Variants in MAPK10 observed in about 807,000 individuals in gnomAD.
MAPK10 encodes the protein JNK3 alpha protein kinase.
A neutral mutation model predicts 59.3 loss-of-function variants in MAPK10; 25 were observed. The ratio of observed to expected loss-of-function variants is 0.42; its 90% CI spans 0.31 to 0.59. MAPK10 has a LOEUF of 0.59. MAPK10 is among the 20% of genes least tolerant of loss of function. The pLI is 0.15. For synonymous variants in MAPK10, 190 were observed against 200.5 expected, an observed-to-expected ratio of 0.95 and a Z score of 0.44; for missense variants, 351 against 568.9, an observed-to-expected ratio of 0.62 and a Z score of 3.90.
At chr4:86,151,294 G>A (rs1381321876) in intron 4 of MAPK10, among the ~76,000 whole-genome samples, 1 of 152,168 alleles carries the variant, frequency 6.6e-6, no homozygotes, top group African/African-American at 2.4e-5. Flanking sequence ...AATGTTGCTG[G>A]TGAAGTGGAA....
chr4:86,086,126 T>C (rs1288007618), intron 9 of MAPK10, among the ~76,000 whole-genome samples: 2 of 152,120 alleles, frequency 1.3e-5, no homozygotes, highest in East Asian at 3.9e-4. Context: ...GGTACACGTT[T>C]ACCTGTGTAA....
At chr4:86,413,782 A>G (rs940275876) in intron 1 of MAPK10, among the ~76,000 whole-genome samples, 1 of 152,194 alleles carries the variant, frequency 6.6e-6, no homozygotes, top group Non-Finnish European at 1.5e-5. Context: ...AAAGCACAGT[A>G]TTTGGTCAGG....
At chr4:86,283,351 A>G (rs1052835772) in intron 2 of MAPK10, among the ~76,000 whole-genome samples, 18 of 152,206 alleles carry the variant, frequency 1.2e-4, no homozygotes, top group African/African-American at 4.3e-4. Flanking sequence ...GCTGATCAAT[A>G]TAATCTACCA....
chr4:86,041,228 G>GGGAATTGTATTAAATA (rs2041456665), intron 11 of MAPK10, among the ~76,000 whole-genome samples: 1 of 152,088 alleles, frequency 6.6e-6, no homozygotes, highest in Non-Finnish European at 1.5e-5. Flanking sequence ...ACAAGCAATG[G>GGGAATTGTATTAAATA]GGAAAAGATT....
intron 3 of MAPK10, among the ~76,000 whole-genome samples, chr4:86,180,703 A>G (rs1217847090): frequency 6.6e-6 from 1 of 152,076 alleles, no homozygotes; most frequent in Non-Finnish European, 1.5e-5. Flanking sequence ...TCTCAGCACC[A>G]TGAATGGAAC....
At chr4:86,191,837 C>T (rs1052593508) in intron 3 of MAPK10, 1 of 151,798 alleles carries the variant, frequency 6.6e-6, no homozygotes, top group Non-Finnish European at 1.5e-5. Flanking sequence ...TTATTTTGCC[C>T]ATTAGTTGAT....
At chr4:86,551,934 T>TG (rs1467155855) in intron 1 of MAPK10, among the ~76,000 whole-genome samples, 1 of 152,192 alleles carries the variant, frequency 6.6e-6, no homozygotes, top group African/African-American at 2.4e-5. Flanking sequence ...AATATTTTCT[T>TG]GCAACTATTT....
chr4:86,585,982 A>G (rs1762626351), intron 1 of MAPK10, among the ~76,000 whole-genome samples: 1 of 152,218 alleles, frequency 6.6e-6, no homozygotes, highest in South Asian at 2.1e-4. Flanking sequence ...TTTAAGACAG[A>G]AGATAAACTA....
intron 5 of MAPK10, among the ~76,000 whole-genome samples, chr4:86,104,262 A>G (rs1488596918): frequency 6.6e-6 from 1 of 152,154 alleles, no homozygotes; most frequent in Non-Finnish European, 1.5e-5. Flanking sequence ...TTGACAAAAA[A>G]TAACCACAGT....
chr4:86,056,349 T>C (rs2044541809), intron 11 of MAPK10, among the ~76,000 whole-genome samples: 1 of 150,418 alleles, frequency 6.6e-6, no homozygotes, highest in Non-Finnish European at 1.5e-5. Flanking sequence ...ATCAAATTCA[T>C]ATTCATTGTA....
At chr4:86,320,612 G>T (rs1178707196) in intron 2 of MAPK10, among the ~76,000 whole-genome samples, 2 of 152,182 alleles carry the variant, frequency 1.3e-5, no homozygotes, top group Non-Finnish European at 2.9e-5. Context: ...TAGGTTGCCT[G>T]TTCACTGTGA....
At chr4:86,527,988 G>A (rs1282718891) in intron 1 of MAPK10, among the ~76,000 whole-genome samples, 4 of 152,024 alleles carry the variant, frequency 2.6e-5, no homozygotes, top group Admixed American at 6.6e-5. Flanking sequence ...CAATAGACTC[G>A]GGTCTATTAG....
At chr4:86,350,277 C>T (rs557113784) in intron 2 of MAPK10, among the ~76,000 whole-genome samples, 4 of 151,768 alleles carry the variant, frequency 2.6e-5, no homozygotes, top group South Asian at 4.2e-4. Context: ...TGCAGTGGCA[C>T]GATCGCGGCT....
intron 11 of MAPK10, among the ~76,000 whole-genome samples, chr4:86,037,013 G>A (rs1177397864): frequency 1.3e-5 from 2 of 152,140 alleles, no homozygotes; most frequent in African/African-American, 2.4e-5. Flanking sequence ...GAGACAGCAC[G>A]TCAGCATTTC....
chr4:86,429,070 A>G (rs1475419787), intron 1 of MAPK10, among the ~76,000 whole-genome samples: 2 of 152,222 alleles, frequency 1.3e-5, no homozygotes, highest in Non-Finnish European at 2.9e-5. Flanking sequence ...TTTAAAAACC[A>G]CATTACTCAT....
chr4:86,328,814 A>G (rs909696068), intron 2 of MAPK10, among the ~76,000 whole-genome samples: 2 of 152,146 alleles, frequency 1.3e-5, no homozygotes, highest in Admixed American at 1.3e-4. Flanking sequence ...GAATACATGG[A>G]CACAGGGAGG....
At chr4:86,070,889 T>A (rs949799606) in intron 9 of MAPK10, among the ~76,000 whole-genome samples, 2 of 152,130 alleles carry the variant, frequency 1.3e-5, no homozygotes, top group Non-Finnish European at 2.9e-5. Flanking sequence ...TGATTTATAG[T>A]CATTTGGGTA....
At chr4:86,396,393 T>C in intron 1 of MAPK10, among the ~76,000 whole-genome samples, 1 of 152,078 alleles carries the variant, frequency 6.6e-6, no homozygotes, top group Middle Eastern at 3.2e-3. Context: ...GACCTAAAGC[T>C]CTTCCACCCA....
At chr4:86,351,396 A>AAC (rs142964843) in intron 2 of MAPK10, among the ~76,000 whole-genome samples, 6,540 of 132,472 alleles carry the variant, frequency 0.049, 171 homozygotes, top group African/African-American at 0.091. Flanking sequence ...TGTATACACA[A>AAC]ACACACACAC....
Sources: allele counts gnomAD v4.1 joint callset (sites outside exome capture counted in the v4.1 genomes callset), GRCh38; gene constraint gnomAD v4.1.1; transcripts MANE v1.5; gene names NCBI Gene and HGNC (gene_info 2026-07-23, HGNC 2026-07-21).